The following CACNA1C variants were observed in gnomAD, a reference collection of about 807,000 sequenced individuals.
The protein encoded by CACNA1C is voltage-dependent L-type calcium channel subunit alpha-1C.
Under a neutral mutation model 229.0 loss-of-function variants are expected in CACNA1C, and 30 were observed. That is an observed-to-expected ratio of 0.13 (90% CI 0.10 to 0.18). The LOEUF (loss-of-function observed/expected upper bound fraction) is 0.18, where lower values mean the gene tolerates loss of function less well. Ranked by LOEUF, CACNA1C falls within the 10% of genes least tolerant of loss-of-function variation. The probability of loss-of-function intolerance (pLI) is 1.00; values close to 1 mark genes in which losing one functional copy is unlikely to be tolerated. For synonymous variants in CACNA1C, 1,114 were observed against 1,132.5 expected, an observed-to-expected ratio of 0.98 and a Z score of 0.33; for missense variants, 1,658 against 2,845.0, an observed-to-expected ratio of 0.58 and a Z score of 9.49.
chr12:2,605,638 T>C lies in CACNA1C; in HGVS notation c.3049-41T>C. On this transcript the variant is annotated intron_variant, in intron 23 of 46. Transcript: ENST00000399655. This position sits in a 1 kb window ranked among gnomAD's most constrained non-coding sequence, Gnocchi z 6.2. ...ACCTCCTGGAAAGGCTCCTGGCATC[T>C]CCTGAAGCCACGTCCCTCTCCCCGT... The C allele has an allele frequency of 1.4e-6, 2 of 1,455,952 alleles. No homozygotes were observed. Among genetic ancestry groups the C allele is most frequent in the Non-Finnish European group, 1.9e-6 (2 of 1,036,352 alleles). The allele number at this position is 1,455,952 out of a possible 1,614,324, so 90.2% of individuals were successfully genotyped here.
chr12:2,399,267 C>T (rs750071953), intron 3 of CACNA1C, among the ~76,000 whole-genome samples: 13 of 152,164 alleles, frequency 8.5e-5, no homozygotes, highest in Non-Finnish European at 1.3e-4. Context: ...ATTTTCCATC[C>T]GTGGATGACT....
intron 9 of CACNA1C, among the ~76,000 whole-genome samples, chr12:2,542,895 C>T (rs1020514731): frequency 2.0e-5 from 3 of 152,028 alleles, no homozygotes; most frequent in Non-Finnish European, 2.9e-5. Flanking sequence ...GTTGGCAATT[C>T]GACCATACAA....
chr12:2,342,438 T>C (rs375162975), intron 3 of CACNA1C, among the ~76,000 whole-genome samples: 11 of 152,332 alleles, frequency 7.2e-5, no homozygotes, highest in Middle Eastern at 3.4e-3. Flanking sequence ...TCCACAAATA[T>C]TGAATATCCA....
intron 3 of CACNA1C, among the ~76,000 whole-genome samples, chr12:2,130,198 T>TC (rs1411511990): frequency 6.6e-6 from 1 of 150,570 alleles, no homozygotes; most frequent in Non-Finnish European, 1.5e-5. Context: ...CCTTTCTTTT[T>TC]TTTTTTTTTT....
chr12:2,198,298 C>T (rs1413294907), intron 3 of CACNA1C, among the ~76,000 whole-genome samples: 3 of 152,176 alleles, frequency 2.0e-5, no homozygotes, highest in Non-Finnish European at 4.4e-5. Context: ...CCTCTCTCCC[C>T]GCCTCTGCCT....
chr12:1,973,615 G>A (rs2033261013), intron 1 of CACNA1C, among the ~76,000 whole-genome samples: 1 of 152,044 alleles, frequency 6.6e-6, no homozygotes, highest in African/African-American at 2.4e-5. Context: ...GAACCTTGAG[G>A]TCATCTACTA....
chr12:2,301,666 A>G (rs1438248722), intron 3 of CACNA1C, among the ~76,000 whole-genome samples: 1 of 152,110 alleles, frequency 6.6e-6, no homozygotes, highest in Non-Finnish European at 1.5e-5. Flanking sequence ...GTCCCTGTGA[A>G]TGTTCTGGGC....
At chr12:2,622,510 TC>T in intron 29 of CACNA1C, among the ~76,000 whole-genome samples, 1 of 152,156 alleles carries the variant, frequency 6.6e-6, no homozygotes, top group Non-Finnish European at 1.5e-5. Context: ...AGCCAGGCCT[TC>T]CCAGACCTTG....
intron 9 of CACNA1C, among the ~76,000 whole-genome samples, chr12:2,527,329 TC>T (rs1177156233): frequency 6.6e-6 from 1 of 152,214 alleles, no homozygotes; most frequent in East Asian, 1.9e-4. Flanking sequence ...CTTGTTTGTG[TC>T]TTTTGCTTGA....
At chr12:2,463,067 C>T (rs533948603) in intron 5 of CACNA1C, among the ~76,000 whole-genome samples, 4 of 142,438 alleles carry the variant, frequency 2.8e-5, no homozygotes, top group East Asian at 2.1e-4. Flanking sequence ...CACCCGCCAC[C>T]ACGCCCGGCT....
At chr12:2,380,224 C>T (rs2283306) in intron 3 of CACNA1C, among the ~76,000 whole-genome samples, 44,850 of 151,626 alleles carry the variant, frequency 0.3, 7,425 homozygotes, top group Non-Finnish European at 0.38. Context: ...AGACAGATGT[C>T]GTCCTGGTGT....
chr12:2,303,545 A>G (rs1272505761), intron 3 of CACNA1C, among the ~76,000 whole-genome samples: 3 of 152,150 alleles, frequency 2.0e-5, no homozygotes, highest in African/African-American at 4.8e-5. Context: ...TGGGAGGATC[A>G]CTTGAGACCA....
At chr12:2,024,841 T>C (rs2047037891) in intron 1 of CACNA1C, among the ~76,000 whole-genome samples, 1 of 152,188 alleles carries the variant, frequency 6.6e-6, no homozygotes, top group African/African-American at 2.4e-5. Context: ...AAGCAGGCTG[T>C]GGCACCAATC....
In CACNA1C at chr12:2,447,583, G is replaced by C. The variant is rs1439438286; in HGVS notation, c.478-1393G>C. Among the ~76,000 whole-genome samples, 3 of 152,184 alleles carry C rather than the reference G, an allele frequency of 2.0e-5. No individual in the cohort carries two copies. In the East Asian group the frequency reaches 5.8e-4, roughly 29 times the overall value. ...GCATCCTCAAACTGCTTCACAGTGA[G>C]GCTGGCACTCCCTACATGCCCAGGG... On this transcript the variant is annotated intron_variant, in intron 3 of 46. Transcript: ENST00000399655.
At position 2,697,435 on chromosome 12, in the gene CACNA1C, G is replaced by A. The variant is rs1028911180; in HGVS notation, c.*6236G>A. ...GGTCTATTACTCTCATAATATTGCTGTTTTATTTTAATCCACCAGAGCTAC... is the reference window on the plus strand; with the variant it reads ...GGTCTATTACTCTCATAATATTGCTATTTTATTTTAATCCACCAGAGCTAC... On this transcript the variant is annotated 3_prime_UTR_variant, in exon 47 of 47. Transcript: ENST00000399655. 5 of 152,162 alleles carry A rather than the reference G, an allele frequency of 3.3e-5. No individual in the cohort carries two copies. Among genetic ancestry groups the A allele is most frequent in the African/African-American group, 9.7e-5 (4 of 41,430 alleles). 9.4% of individuals were successfully genotyped at this position (152,162 alleles called of 1,614,324 possible).
chr12:2,267,954 A>G (rs1238784130), intron 3 of CACNA1C, among the ~76,000 whole-genome samples: 1 of 152,196 alleles, frequency 6.6e-6, no homozygotes, highest in Non-Finnish European at 1.5e-5. Flanking sequence ...TGCACATAAA[A>G]TGAAGAATGG....
intron 5 of CACNA1C, among the ~76,000 whole-genome samples, chr12:2,477,303 T>G (rs2099634891): frequency 6.6e-6 from 1 of 152,168 alleles, no homozygotes. Context: ...CTTTGGAAGA[T>G]GAGGACCCAG....
upstream of CACNA1C, among the ~76,000 whole-genome samples, chr12:2,050,310 A>T (rs1594375842): frequency 6.6e-6 from 1 of 152,204 alleles, no homozygotes; most frequent in Admixed American, 6.5e-5. Flanking sequence ...GACCCTGGAC[A>T]TTGTAATTCA....
intron 9 of CACNA1C, among the ~76,000 whole-genome samples, chr12:2,517,475 T>G (rs2099799592): frequency 2.0e-5 from 3 of 152,036 alleles, no homozygotes; most frequent in Non-Finnish European, 4.4e-5. Context: ...AAAGAGGACG[T>G]GATACTCAAG....
Sources: allele counts gnomAD v4.1 joint callset (sites outside exome capture counted in the v4.1 genomes callset), GRCh38; gene constraint gnomAD v4.1.1; non-coding constraint Gnocchi (gnomAD v3.1); transcripts MANE v1.5; gene names NCBI Gene and HGNC (gene_info 2026-07-23, HGNC 2026-07-21).